Variants in ARSB observed in about 807,000 individuals in gnomAD.
The protein encoded by ARSB is arylsulfatase B, also known as N-acetylgalactosamine-4-sulfatase.
ARSB carries 41 observed loss-of-function variants against 50.9 expected under a neutral mutation model. That is an observed-to-expected ratio of 0.81 (90% CI 0.63 to 1.04). ARSB has a LOEUF of 1.04. Among genes scored for constraint, ARSB ranks in the 50% least tolerant of loss-of-function variants. The probability of loss-of-function intolerance (pLI) is 0.00; values close to 1 mark genes in which losing one functional copy is unlikely to be tolerated. For missense variants in ARSB, 672 were observed against 693.3 expected, an observed-to-expected ratio of 0.97 and a Z score of 0.35; for synonymous variants, 269 against 284.8, an observed-to-expected ratio of 0.94 and a Z score of 0.56.
chr5:78,850,892 T>G (rs544459850), intron 5 of ARSB, among the ~76,000 whole-genome samples: 41 of 152,232 alleles, frequency 2.7e-4, no homozygotes, highest in Middle Eastern at 6.8e-3. Flanking sequence ...ATTTCTGTGG[T>G]ATCAGTGGTG....
chr5:78,836,122 G>A (rs777334828), intron 6 of ARSB, among the ~76,000 whole-genome samples: 1 of 152,120 alleles, frequency 6.6e-6, no homozygotes, highest in Non-Finnish European at 1.5e-5. Context: ...AAAAGGAAAC[G>A]GGCTTGTATC....
intron 4 of ARSB, among the ~76,000 whole-genome samples, chr5:78,929,792 C>CAA (rs11355138): frequency 6.6e-5 from 7 of 106,604 alleles, no homozygotes; most frequent in Admixed American, 1.9e-4. Context: ...GACTCTGTCT[C>CAA]AAAAAAAAAA....
rs1252302742 is a variant in ARSB, at chr5:78,777,845, C to T, written c.*2552G>A. 9.4e-6 allele frequency: 1 copy of T among 106,246 alleles called. No homozygotes were observed. The highest frequency in any genetic ancestry group is 9.8e-5 in the Admixed American group (1 of 10,210). 6.6% of individuals were successfully genotyped at this position (106,246 alleles called of 1,614,324 possible). On this transcript the variant is annotated 3_prime_UTR_variant, in exon 8 of 8. Transcript: ENST00000264914. ...CCAGCCTGGGTGACAGAGCGAGACT[C>T]CATCTCAAAAAAAAAAAAAAAAAAA... is the stretch of plus-strand genomic sequence containing the variant.
chr5:78,900,053 C>G (rs7706434), intron 4 of ARSB, among the ~76,000 whole-genome samples: 12,475 of 152,104 alleles, frequency 0.082, 1,679 homozygotes, highest in African/African-American at 0.28. Context: ...CTCTAGTAAA[C>G]GGTTGCAGTG....
intron 4 of ARSB, among the ~76,000 whole-genome samples, chr5:78,907,393 A>G (rs1749112557): frequency 6.6e-6 from 1 of 152,202 alleles, no homozygotes; most frequent in Admixed American, 6.5e-5. Context: ...ACTTTGGTTC[A>G]GAGTGAGGAC....
At chr5:78,908,227 C>T (rs886384816) in intron 4 of ARSB, among the ~76,000 whole-genome samples, 4 of 152,158 alleles carry the variant, frequency 2.6e-5, no homozygotes, top group African/African-American at 9.7e-5. Context: ...ACAGTTTTGT[C>T]TGGGAACTCT....
intron 2 of ARSB, among the ~76,000 whole-genome samples, chr5:78,965,877 T>C (rs955800853): frequency 1.3e-5 from 2 of 152,236 alleles, no homozygotes; most frequent in Non-Finnish European, 2.9e-5. Flanking sequence ...ATTAATACTT[T>C]GGTCTTAAAA....
intron 4 of ARSB, among the ~76,000 whole-genome samples, chr5:78,915,686 T>G (rs1451041817): frequency 6.6e-6 from 1 of 152,222 alleles, no homozygotes; most frequent in African/African-American, 2.4e-5. Context: ...AAAATTTTTT[T>G]TGTGGGATAT....
At chr5:78,967,058 A>G (rs552920359) in intron 2 of ARSB, among the ~76,000 whole-genome samples, 1 of 152,260 alleles carries the variant, frequency 6.6e-6, no homozygotes, top group East Asian at 1.9e-4. Context: ...ATGAGGCATT[A>G]CAGAGCCATG....
intron 5 of ARSB, among the ~76,000 whole-genome samples, chr5:78,879,374 C>A (rs3098701): frequency 6.6e-6 from 1 of 152,116 alleles, no homozygotes; most frequent in African/African-American, 2.4e-5. Flanking sequence ...CTGTGGCTTG[C>A]AACAAAGAAA....
At chr5:78,844,925 A>T (rs1745377582) in intron 5 of ARSB, among the ~76,000 whole-genome samples, 2 of 152,124 alleles carry the variant, frequency 1.3e-5, no homozygotes, top group African/African-American at 4.8e-5. Flanking sequence ...AAAATATACA[A>T]TAAATTGTTG....
intron 6 of ARSB, among the ~76,000 whole-genome samples, chr5:78,817,657 G>C (rs1744051804): frequency 6.6e-6 from 1 of 151,358 alleles, no homozygotes; most frequent in African/African-American, 2.4e-5. Flanking sequence ...AAAAATACAA[G>C]AATTAGCTGG....
At chr5:78,845,904 T>C (rs1218198199) in intron 5 of ARSB, among the ~76,000 whole-genome samples, 2 of 152,144 alleles carry the variant, frequency 1.3e-5, no homozygotes, top group Non-Finnish European at 2.9e-5. Context: ...CATTTGTCTA[T>C]TTTTGCTTTT....
chr5:78,912,639 C>T (rs1580051305), intron 4 of ARSB, among the ~76,000 whole-genome samples: 1 of 152,278 alleles, frequency 6.6e-6, no homozygotes, highest in Non-Finnish European at 1.5e-5. Context: ...GCACTGATCC[C>T]AATCACTGCA....
At chr5:78,892,021 C>A (rs749743129) in intron 4 of ARSB, among the ~76,000 whole-genome samples, 3 of 152,026 alleles carry the variant, frequency 2.0e-5, no homozygotes, top group Non-Finnish European at 4.4e-5. Context: ...ACAAAATACC[C>A]ACCTTAATAT....
chr5:78,948,822 A>G (rs1446624783), intron 4 of ARSB, among the ~76,000 whole-genome samples: 8 of 152,180 alleles, frequency 5.3e-5, no homozygotes, highest in African/African-American at 1.2e-4. Context: ...GTAAATTCCT[A>G]AAGTTTGAAT....
chr5:78,881,475 T>C (rs1747743369), intron 5 of ARSB, among the ~76,000 whole-genome samples: 1 of 151,446 alleles, frequency 6.6e-6, no homozygotes, highest in Non-Finnish European at 1.5e-5. Context: ...AAACCTGACA[T>C]AAAGAAGCAA....
intron 5 of ARSB, chr5:78,883,791 C>T (rs573695755): frequency 2.6e-4 from 39 of 152,274 alleles, no homozygotes; most frequent in African/African-American, 9.1e-4. Context: ...CTATCCATTC[C>T]TGAACTCACA....
intron 6 of ARSB, among the ~76,000 whole-genome samples, chr5:78,789,853 T>G (rs926152393): frequency 6.6e-6 from 1 of 152,212 alleles, no homozygotes; most frequent in Admixed American, 6.5e-5. Flanking sequence ...TAAAGGCACA[T>G]AGCACCATTT....
Sources: allele counts gnomAD v4.1 joint callset (sites outside exome capture counted in the v4.1 genomes callset), GRCh38; gene constraint gnomAD v4.1.1; transcripts MANE v1.5; gene names NCBI Gene and HGNC (gene_info 2026-07-23, HGNC 2026-07-21).